Variants in PHF2 observed in about 807,000 individuals in gnomAD.
PHF2 encodes the protein PHD finger protein 2.
Under a neutral mutation model 120.5 loss-of-function variants are expected in PHF2, and 27 were observed. The observed-to-expected ratio is 0.22, with a 90% confidence interval of 0.17 to 0.31. The LOEUF (loss-of-function observed/expected upper bound fraction) is 0.31. Among genes scored for constraint, PHF2 ranks in the 10% least tolerant of loss-of-function variants. PHF2 has a pLI of 1.00. For missense variants in PHF2, 1,024 were observed against 1,434.8 expected (o/e 0.71, Z 4.63); for synonymous variants, 568 against 592.5 (o/e 0.96, Z 0.60).
intron 1 of PHF2, among the ~76,000 whole-genome samples, chr9:93,621,526 G>T (rs923145405): frequency 6.6e-6 from 1 of 152,216 alleles, no homozygotes; most frequent in African/African-American, 2.4e-5. Context: ...GCCCCTCCTT[G>T]TGCAAGTGGA....
chr9:93,611,381 C>G (rs1265776642), intron 1 of PHF2, among the ~76,000 whole-genome samples: 2 of 150,594 alleles, frequency 1.3e-5, no homozygotes, highest in East Asian at 3.9e-4. Context: ...TGCCATTGCA[C>G]TCCAGCCTGG....
At chr9:93,623,481 G>A (rs915265893) in intron 1 of PHF2, among the ~76,000 whole-genome samples, 1 of 152,136 alleles carries the variant, frequency 6.6e-6, no homozygotes, top group Non-Finnish European at 1.5e-5. Flanking sequence ...CTATGCCCTG[G>A]TCCTGTTCCT....
chr9:93,621,707 C>G (rs1825830633), intron 1 of PHF2, among the ~76,000 whole-genome samples: 1 of 152,194 alleles, frequency 6.6e-6, no homozygotes, highest in Non-Finnish European at 1.5e-5. Flanking sequence ...ACCCCTGAGC[C>G]TCGGCCTTCC....
intron 14 of PHF2, among the ~76,000 whole-genome samples, chr9:93,664,264 T>C (rs1826635011): frequency 6.6e-6 from 1 of 152,030 alleles, no homozygotes; most frequent in Non-Finnish European, 1.5e-5. Context: ...GAGACGGCAC[T>C]GAGCAGAGAT....
At chr9:93,622,457 C>T (rs1302210212) in intron 1 of PHF2, among the ~76,000 whole-genome samples, 2 of 152,138 alleles carry the variant, frequency 1.3e-5, no homozygotes, top group African/African-American at 4.8e-5. Flanking sequence ...TCCTGGATGA[C>T]CCAGCAGCTG....
intron 1 of PHF2, among the ~76,000 whole-genome samples, chr9:93,597,096 A>G (rs979438849): frequency 2.0e-5 from 3 of 151,762 alleles, no homozygotes; most frequent in Non-Finnish European, 4.4e-5. Flanking sequence ...ACACCCAGCT[A>G]ATTTTTATAT....
chr9:93,584,497 C>G (rs1187859935), intron 1 of PHF2, among the ~76,000 whole-genome samples: 1 of 152,152 alleles, frequency 6.6e-6, no homozygotes, highest in East Asian at 1.9e-4. Flanking sequence ...TTGTTGATGA[C>G]TATTCTTTCT....
rs372302417 is a variant in PHF2, at chr9:93,590,535, T to A, written c.98+13664T>A. On this transcript the variant is annotated intron_variant, in intron 1 of 21. Transcript: ENST00000359246. The stretch of plus-strand genomic sequence containing the variant: ...TCCTAAATACCCCTCTTTGTTTGAC[T>A]CTTGTTGTGAGGCCAAGCCTCATTT... Among the ~76,000 whole-genome samples the A allele has an allele frequency of 7.2e-5, 11 of 152,344 alleles. No homozygotes were observed. The East Asian group carries it at 1.9e-3, about 27-fold the overall frequency.
chr9:93,599,820 C>T (rs550875239), intron 1 of PHF2, among the ~76,000 whole-genome samples: 5 of 152,364 alleles, frequency 3.3e-5, no homozygotes, highest in Admixed American at 6.5e-5. Context: ...TGCCCAGCCA[C>T]GCTCCCAGTT....
At chr9:93,619,372 C>G (rs777490661) in intron 1 of PHF2, among the ~76,000 whole-genome samples, 3 of 152,066 alleles carry the variant, frequency 2.0e-5, no homozygotes, top group Non-Finnish European at 4.4e-5. Flanking sequence ...GGGCCTGATT[C>G]GGCGTCCTGG....
In PHF2 at chr9:93,656,157, G is replaced by A. The variant is rs1180588493; in HGVS notation, c.1040+136G>A. Reference sequence around the variant, plus strand: ...TGGCCTGGACATGACCGTCAGCCTCGGTGGGCCTCTTTGTGATGTGGAGGG... The same window carrying A: ...TGGCCTGGACATGACCGTCAGCCTCAGTGGGCCTCTTTGTGATGTGGAGGG... On this transcript the variant is annotated intron_variant, in intron 8 of 21. Transcript: ENST00000359246. The surrounding 1 kb of genome is among the most constrained non-coding windows in gnomAD (Gnocchi z 4.1). 16 of 690,844 alleles carry A rather than the reference G, an allele frequency of 2.3e-5. No individual in the cohort carries two copies. In the East Asian group the frequency reaches 3.3e-4, roughly 14 times the overall value. 42.8% of individuals were successfully genotyped at this position (690,844 alleles called of 1,614,324 possible). A position where few individuals can be genotyped will look rare whatever the true frequency, so the allele number is the denominator to read the frequency against.
rs12238449 is a variant in PHF2, at chr9:93,654,803, T to C, written c.952+228T>C. Reference sequence around the variant, plus strand: ...CCAGTCCCTGCAGAGGGGCCAGCAATGGGGCTTGTGTTGTCTCGTCAGCAT... The same window carrying C: ...CCAGTCCCTGCAGAGGGGCCAGCAACGGGGCTTGTGTTGTCTCGTCAGCAT... On this transcript the variant is annotated intron_variant, in intron 7 of 21. Transcript: ENST00000359246. 2.5e-4 allele frequency among the ~76,000 whole-genome samples: 38 copies of C among 152,282 alleles called. No homozygotes were observed. The East Asian group carries it at 7.0e-3, about 28-fold the overall frequency.
chr9:93,625,419 G>A (rs1385475907), intron 1 of PHF2, among the ~76,000 whole-genome samples: 1 of 143,238 alleles, frequency 7.0e-6, no homozygotes, highest in Non-Finnish European at 1.5e-5. Flanking sequence ...TTTGGTTATT[G>A]TGAATAATAC....
In PHF2 at chr9:93,679,384, G is replaced by T; in HGVS notation, c.*1708G>T. The T allele has an allele frequency of 2.6e-6, 1 of 380,328 alleles. No individual in the cohort carries two copies. The highest frequency in any genetic ancestry group is 1.9e-5 in the South Asian group (1 of 53,142). 23.6% of individuals were successfully genotyped at this position (380,328 alleles called of 1,614,324 possible). On this transcript the variant is annotated 3_prime_UTR_variant, in exon 22 of 22. Coordinates refer to ENST00000359246, the MANE Select transcript of PHF2 (RefSeq NM_005392.4). ...GTTGAACATTTATATAATCTAACCTGGACATCAAGCTGTTCTCTCTCTCTC... is the reference window on the plus strand; with the variant it reads ...GTTGAACATTTATATAATCTAACCTTGACATCAAGCTGTTCTCTCTCTCTC...
intron 4 of PHF2, among the ~76,000 whole-genome samples, chr9:93,648,009 C>T (rs112234118): frequency 0.038 from 5,770 of 152,200 alleles, 166 homozygotes; most frequent in Non-Finnish European, 0.06. Context: ...ATAATATTAA[C>T]AGTAATTCCT....
chr9:93,637,151 C>G (rs911679139), intron 3 of PHF2, among the ~76,000 whole-genome samples: 1 of 152,180 alleles, frequency 6.6e-6, no homozygotes, highest in Non-Finnish European at 1.5e-5. Flanking sequence ...ACGCAGAATC[C>G]TAAGTTGGTG....
At position 93,679,255 on chromosome 9, in the gene PHF2, G is replaced by T. The variant is rs1381832004; in HGVS notation, c.*1579G>T. On this transcript the variant is annotated 3_prime_UTR_variant, in exon 22 of 22. Transcript: ENST00000359246. ...CACTCCCACTTGTCCTGTTTGGAGG[G>T]ACGCAGTCCCTAGGGCCCGAGACTG... 2.2e-6 allele frequency: 1 copy of T among 456,074 alleles called. No homozygotes were observed. The highest frequency in any genetic ancestry group is 4.4e-6 in the Non-Finnish European group (1 of 226,954). 28.3% of individuals were successfully genotyped at this position (456,074 alleles called of 1,614,324 possible).
In PHF2 at chr9:93,578,591, G is replaced by T. The variant is rs566256876; in HGVS notation, c.98+1720G>T. Among the ~76,000 whole-genome samples, 3 of 152,326 alleles carry T rather than the reference G, an allele frequency of 2.0e-5. No individual in the cohort carries two copies. The East Asian group carries it at 5.8e-4, about 29-fold the overall frequency. ...CTCCTGGCTGCTGCCCACACTCGGG[G>T]CCCAGAGTAGGGAGAGTGAGAGAAC... is the stretch of plus-strand genomic sequence containing the variant. On this transcript the variant is annotated intron_variant, in intron 1 of 21. Transcript: ENST00000359246.
Position 93,678,920 on chromosome 9 carries a change from G to A in PHF2, c.*1244G>A, listed in dbSNP as rs1826971726. 1 of 169,542 alleles carries A rather than the reference G, an allele frequency of 5.9e-6. No homozygotes were observed. Among genetic ancestry groups the A allele is most frequent in the Admixed American group, 5.9e-5 (1 of 17,046 alleles). The allele number at this position is 169,542 out of a possible 1,614,324, so 10.5% of individuals were successfully genotyped here. On this transcript the variant is annotated 3_prime_UTR_variant, in exon 22 of 22. Coordinates refer to ENST00000359246, the MANE Select transcript of PHF2 (RefSeq NM_005392.4). Reference sequence around the variant, plus strand: ...AACTAAGGTATTGCCTGAAAAACAAGTGATGTCTGTGCAGCCTTACACTCT... The same window carrying A: ...AACTAAGGTATTGCCTGAAAAACAAATGATGTCTGTGCAGCCTTACACTCT...
Sources: gnomAD v4.1 joint callset for allele counts (sites outside exome capture counted in the v4.1 genomes callset) on GRCh38, gnomAD v4.1.1 for gene constraint, Gnocchi (gnomAD v3.1) non-coding constraint, MANE v1.5 for transcripts, NCBI Gene and HGNC (gene_info 2026-07-23, HGNC 2026-07-21) for gene names.